FGF13: variants seen among roughly 807,000 people sequenced by gnomAD.
FGF13 encodes fibroblast growth factor homologous factor 2.
FGF13 carries 2 observed loss-of-function variants against 19.5 expected under a neutral mutation model. The ratio of observed to expected loss-of-function variants is 0.10; its 90% CI spans 0.04 to 0.32. FGF13 has a LOEUF of 0.32. Ranked by LOEUF, FGF13 falls within the 10% of genes least tolerant of loss-of-function variation. The probability of loss-of-function intolerance (pLI) is 1.00; values close to 1 mark genes in which losing one functional copy is unlikely to be tolerated. For missense variants in FGF13, 113 were observed against 192.7 expected (o/e 0.59, Z 2.45); for synonymous variants, 72 against 76.9 (o/e 0.94, Z 0.33).
intron 2 of FGF13, among the ~76,000 whole-genome samples, chrX:138,859,175 A>G (rs1461381303): frequency 1.8e-5 from 2 of 112,362 alleles, no homozygotes; most frequent in Non-Finnish European, 3.8e-5. Flanking sequence ...TGTTGAATGC[A>G]CATCTTTGCT....
chrX:138,935,955 G>T, intron 1 of FGF13, among the ~76,000 whole-genome samples: 1 of 112,480 alleles, frequency 8.9e-6, no homozygotes, highest in Middle Eastern at 4.6e-3. Flanking sequence ...TGTACAGCCT[G>T]GCTGGGCTGT....
At chrX:139,000,367 AT>A (rs1488792947) in intron 1 of FGF13, among the ~76,000 whole-genome samples, 6 of 111,940 alleles carry the variant, frequency 5.4e-5, no homozygotes, top group Non-Finnish European at 7.5e-5. Flanking sequence ...GATAAAGGGT[AT>A]TCAAACAGGA....
chrX:138,839,385 A>G (rs1602941049), intron 3 of FGF13, among the ~76,000 whole-genome samples: 1 of 111,613 alleles, frequency 9.0e-6, no homozygotes, highest in African/African-American at 3.3e-5. Context: ...GAAATTGAGA[A>G]GGAAGGGTTA....
intron 1 of FGF13, among the ~76,000 whole-genome samples, chrX:139,105,952 A>C (rs979128): frequency 0.15 from 17,116 of 111,780 alleles, 1,077 homozygotes; most frequent in African/African-American, 0.23. Context: ...CAATTCTTTA[A>C]GATCACTTCC....
At chrX:138,667,698 G>A (rs1206870740) in intron 3 of FGF13, 3 of 370,326 alleles carry the variant, frequency 8.1e-6, no homozygotes, top group East Asian at 7.9e-5. Context: ...TTTGCCATAC[G>A]GTGGTAGTCT....
intron 1 of FGF13, among the ~76,000 whole-genome samples, chrX:138,924,486 C>T (rs1462245240): frequency 9.0e-6 from 1 of 111,523 alleles, no homozygotes; most frequent in African/African-American, 3.3e-5. Flanking sequence ...GTAAAATGGA[C>T]AATAATGAAG....
chrX:138,830,179 GA>G (rs943802670), intron 3 of FGF13, among the ~76,000 whole-genome samples: 3 of 112,260 alleles, frequency 2.7e-5, no homozygotes, highest in African/African-American at 9.7e-5. Flanking sequence ...GCAGAGGCTG[GA>G]ACAATTTGGA....
chrX:139,180,902 G>A (rs1305332649), intron 1 of FGF13, among the ~76,000 whole-genome samples: 41 of 112,184 alleles, frequency 3.7e-4, no homozygotes, highest in Admixed American at 2.3e-3. Flanking sequence ...CTATTCCTAC[G>A]TGCCAGGTAC....
intron 1 of FGF13, among the ~76,000 whole-genome samples, chrX:138,950,773 C>A (rs923271083): frequency 9.0e-6 from 1 of 111,173 alleles, no homozygotes; most frequent in Non-Finnish European, 1.9e-5. Context: ...AATAAAGATG[C>A]GATTTTAGAC....
At chrX:138,676,825 G>T (rs763559959) in intron 3 of FGF13, among the ~76,000 whole-genome samples, 7 of 112,199 alleles carry the variant, frequency 6.2e-5, no homozygotes, top group Admixed American at 1.9e-4. Context: ...AGGTCCTGCT[G>T]TGCAGCCAGG....
chrX:138,899,570 T>A (rs1178479676), intron 1 of FGF13, among the ~76,000 whole-genome samples: 1 of 111,122 alleles, frequency 9.0e-6, no homozygotes, highest in Non-Finnish European at 1.9e-5. Flanking sequence ...CTGAGGCTAC[T>A]TGGTCCACGA....
chrX:138,975,654 GGA>G (rs989420918), intron 1 of FGF13, among the ~76,000 whole-genome samples: 2 of 111,656 alleles, frequency 1.8e-5, no homozygotes, highest in Non-Finnish European at 3.8e-5. Flanking sequence ...CAGATCCAGA[GGA>G]AAGAAAGGGC....
intron 1 of FGF13, among the ~76,000 whole-genome samples, chrX:138,980,675 G>T (rs373638956): frequency 8.2e-5 from 7 of 84,938 alleles, no homozygotes; most frequent in South Asian, 1.3e-3. Flanking sequence ...CAGAAGTGTG[G>T]TTTTTTTTTT....
intron 1 of FGF13, among the ~76,000 whole-genome samples, chrX:138,868,047 A>T (rs113173045): frequency 0.1 from 11,472 of 111,063 alleles, 1,457 homozygotes; most frequent in African/African-American, 0.36. Context: ...TGGATTATCA[A>T]ATTGACTAAT....
At chrX:138,880,211 G>T (rs763898638) in intron 1 of FGF13, among the ~76,000 whole-genome samples, 1 of 112,099 alleles carries the variant, frequency 8.9e-6, no homozygotes, top group South Asian at 3.7e-4. Context: ...GAAGAAATAG[G>T]AACGCTTTTA....
chrX:139,086,395 G>A (rs900082189), intron 1 of FGF13, among the ~76,000 whole-genome samples: 10 of 112,151 alleles, frequency 8.9e-5, no homozygotes, highest in African/African-American at 3.2e-4. Context: ...ACTTAAATGG[G>A]TATGAAGTTT....
chrX:139,018,453 C>T (rs912773264), intron 1 of FGF13, among the ~76,000 whole-genome samples: 3 of 111,325 alleles, frequency 2.7e-5, no homozygotes, highest in African/African-American at 9.8e-5. Flanking sequence ...TATTAAGAGG[C>T]GACTAAGTTC....
chrX:139,147,423 C>T (rs1227831116), intron 1 of FGF13, among the ~76,000 whole-genome samples: 1 of 111,412 alleles, frequency 9.0e-6, no homozygotes, highest in Admixed American at 9.6e-5. Flanking sequence ...AGGTTCTTAC[C>T]ACATACCTGT....
intron 1 of FGF13, among the ~76,000 whole-genome samples, chrX:138,987,670 TAGTC>T (rs1285898551): frequency 6.7e-4 from 75 of 112,050 alleles, no homozygotes; most frequent in African/African-American, 2.3e-3. Flanking sequence ...ATGATAATGT[TAGTC>T]AGATATATCA....
Sources: allele counts gnomAD v4.1 joint callset (sites outside exome capture counted in the v4.1 genomes callset), GRCh38; gene constraint gnomAD v4.1.1; transcripts MANE v1.5; gene names NCBI Gene and HGNC (gene_info 2026-07-23, HGNC 2026-07-21).